Variants in RAP1A observed in about 807,000 individuals in gnomAD.
RAP1A encodes ras-related protein Rap-1A.
Under a neutral mutation model 26.4 loss-of-function variants are expected in RAP1A, and 6 were observed. That is an observed-to-expected ratio of 0.23 (90% CI 0.12 to 0.45). The LOEUF (loss-of-function observed/expected upper bound fraction) is 0.45, where lower values mean the gene tolerates loss of function less well. Among genes scored for constraint, RAP1A ranks in the 20% least tolerant of loss-of-function variants. The probability of loss-of-function intolerance (pLI) is 0.99; values close to 1 mark genes in which losing one functional copy is unlikely to be tolerated. For missense variants in RAP1A, 121 were observed against 217.2 expected, an observed-to-expected ratio of 0.56 and a Z score of 2.78; for synonymous variants, 73 against 79.4, an observed-to-expected ratio of 0.92 and a Z score of 0.43.
intron 1 of RAP1A, among the ~76,000 whole-genome samples, chr1:111,572,855 C>A (rs1658075814): frequency 6.6e-6 from 1 of 152,180 alleles, no homozygotes; most frequent in Non-Finnish European, 1.5e-5. Context: ...CGGTACTAAG[C>A]CTAGTACCCA....
chr1:111,697,437 A>G lies in RAP1A; in HGVS notation c.127-4A>G, dbSNP rs770808127. 23 of 1,605,088 alleles carry G rather than the reference A, an allele frequency of 1.4e-5. No individual in the cohort carries two copies. The East Asian group carries it at 4.5e-4, about 31-fold the overall frequency. On this transcript the variant is annotated splice_region_variant and splice_polypyrimidine_tract_variant and intron_variant, in intron 3 of 7. Transcript: ENST00000369709. ...TAACCTTTTTTTTTTTTTTGCCCCC[A>G]CAGCAAGTTGAAGTCGATTGCCAAC...
chr1:111,642,088 T>TA (rs1659907431), intron 1 of RAP1A, among the ~76,000 whole-genome samples: 1 of 152,062 alleles, frequency 6.6e-6, no homozygotes, highest in South Asian at 2.1e-4. Context: ...CTACTAAAAA[T>TA]ACAACAGTTA....
chr1:111,704,533 G>T, intron 6 of RAP1A, 47 bp downstream of exon 6: 1 of 1,512,842 alleles, frequency 6.6e-7, no homozygotes, highest in Non-Finnish European at 8.9e-7. Context: ...TTTTTAGTTT[G>T]CTTTAAGTTA....
chr1:111,548,133 G>T (rs1390810380), intron 1 of RAP1A, among the ~76,000 whole-genome samples: 1 of 152,172 alleles, frequency 6.6e-6, no homozygotes, highest in Non-Finnish European at 1.5e-5. Flanking sequence ...AGATTCTCCT[G>T]CCTCAGCCTC....
At chr1:111,657,945 G>C (rs994750854) in intron 1 of RAP1A, among the ~76,000 whole-genome samples, 1 of 151,994 alleles carries the variant, frequency 6.6e-6, no homozygotes, top group East Asian at 1.9e-4. Flanking sequence ...TTCTGTTACT[G>C]GTTTCTAATT....
At chr1:111,598,086 G>A (rs1271412732) in intron 1 of RAP1A, among the ~76,000 whole-genome samples, 2 of 152,062 alleles carry the variant, frequency 1.3e-5, no homozygotes, top group African/African-American at 4.8e-5. Context: ...TTCAGACAAG[G>A]CTCACAGTGG....
intron 2 of RAP1A, 105 bp downstream of exon 2, chr1:111,691,522 T>G (rs1353232647): frequency 1.0e-6 from 1 of 979,112 alleles, no homozygotes; most frequent in Non-Finnish European, 1.6e-6. Flanking sequence ...GTGGCATTAT[T>G]ATATATCTGA....
intron 7 of RAP1A, among the ~76,000 whole-genome samples, chr1:111,711,669 T>TC (rs1662389210): frequency 6.6e-6 from 1 of 152,246 alleles, no homozygotes; most frequent in African/African-American, 2.4e-5. Context: ...GCCATGTTGT[T>TC]CCTGTACTTT....
At chr1:111,603,944 C>T (rs1658721333) in intron 1 of RAP1A, among the ~76,000 whole-genome samples, 1 of 152,190 alleles carries the variant, frequency 6.6e-6, no homozygotes, top group Non-Finnish European at 1.5e-5. Flanking sequence ...ACATTTTGCT[C>T]CTGGGCCACT....
chr1:111,585,147 C>T (rs2101063076), intron 1 of RAP1A, among the ~76,000 whole-genome samples: 1 of 152,296 alleles, frequency 6.6e-6, no homozygotes, highest in South Asian at 2.1e-4. Context: ...CCGATTTAAT[C>T]CTCCTCTTTC....
chr1:111,701,854 C>T (rs1297002180), intron 4 of RAP1A, among the ~76,000 whole-genome samples: 1 of 152,156 alleles, frequency 6.6e-6, no homozygotes, highest in African/African-American at 2.4e-5. Flanking sequence ...TGGACAGTGG[C>T]AGAATTTAAT....
At chr1:111,544,237 C>A (rs764203442) in intron 1 of RAP1A, among the ~76,000 whole-genome samples, 2 of 152,156 alleles carry the variant, frequency 1.3e-5, no homozygotes, top group South Asian at 4.1e-4. Context: ...GAGATCAAAT[C>A]CACATTACAT....
chr1:111,664,236 T>G (rs1293089831), intron 1 of RAP1A, among the ~76,000 whole-genome samples: 1 of 151,984 alleles, frequency 6.6e-6, no homozygotes, highest in South Asian at 2.1e-4. Flanking sequence ...TATCCGGGCA[T>G]GGTGGCACAT....
At chr1:111,661,249 C>A (rs780374657) in intron 1 of RAP1A, among the ~76,000 whole-genome samples, 4 of 152,020 alleles carry the variant, frequency 2.6e-5, no homozygotes, top group Admixed American at 6.5e-5. Context: ...TGGAGGGATT[C>A]GGAGGAGGTC....
At chr1:111,545,216 C>G (rs1656991116) in intron 1 of RAP1A, among the ~76,000 whole-genome samples, 1 of 152,120 alleles carries the variant, frequency 6.6e-6, no homozygotes, top group African/African-American at 2.4e-5. Context: ...TTTTCCATAG[C>G]AGCTGCACCA....
intron 1 of RAP1A, among the ~76,000 whole-genome samples, chr1:111,660,176 A>G (rs1028032159): frequency 2.6e-5 from 4 of 152,214 alleles, no homozygotes; most frequent in Non-Finnish European, 5.9e-5. Flanking sequence ...GTCACTTAAT[A>G]CAGAGTTGTA....
intron 1 of RAP1A, among the ~76,000 whole-genome samples, chr1:111,661,800 G>GAA (rs11322950): frequency 4.9e-5 from 5 of 102,844 alleles, no homozygotes; most frequent in African/African-American, 1.1e-4. Flanking sequence ...CTCCGTCCCA[G>GAA]AAAAAAAAAA....
intron 1 of RAP1A, among the ~76,000 whole-genome samples, chr1:111,585,781 A>T (rs977249969): frequency 6.6e-6 from 1 of 152,158 alleles, no homozygotes; most frequent in African/African-American, 2.4e-5. Context: ...ATCATATATC[A>T]TCTACACTAA....
At chr1:111,581,263 A>G (rs1385987730) in intron 1 of RAP1A, among the ~76,000 whole-genome samples, 1 of 152,098 alleles carries the variant, frequency 6.6e-6, no homozygotes, top group African/African-American at 2.4e-5. Context: ...TATTTTTATG[A>G]TAGAAAGGAG....
Sources: allele counts gnomAD v4.1 joint callset (sites outside exome capture counted in the v4.1 genomes callset), GRCh38; gene constraint gnomAD v4.1.1; transcripts MANE v1.5; gene names NCBI Gene and HGNC (gene_info 2026-07-23, HGNC 2026-07-21).